CSMD2: variants seen among roughly 807,000 people sequenced by gnomAD.
CSMD2 encodes CUB and Sushi multiple domains 2.
A neutral mutation model predicts 398.5 loss-of-function variants in CSMD2; 130 were observed. The ratio of observed to expected loss-of-function variants is 0.33; its 90% CI spans 0.28 to 0.38. The LOEUF (loss-of-function observed/expected upper bound fraction) is 0.38. Ranked by LOEUF, CSMD2 falls within the 10% of genes least tolerant of loss-of-function variation. The pLI, the probability that CSMD2 is intolerant of heterozygous loss-of-function variation, is 1.00. For missense variants in CSMD2, 3,829 were observed against 4,764.9 expected (o/e 0.80, Z 5.78); for synonymous variants, 1,828 against 1,908.5 (o/e 0.96, Z 1.10).
intron 3 of CSMD2, among the ~76,000 whole-genome samples, chr1:33,979,194 C>T (rs1014594304): frequency 3.9e-5 from 6 of 152,336 alleles, no homozygotes; most frequent in Admixed American, 3.9e-4. Context: ...GCCAGATCCC[C>T]TGCCAGTGAG....
At chr1:33,565,001 C>G (rs1049522436) in intron 53 of CSMD2, among the ~76,000 whole-genome samples, 2 of 152,106 alleles carry the variant, frequency 1.3e-5, no homozygotes, top group Admixed American at 6.5e-5. Flanking sequence ...TAATAGAAAA[C>G]CCAGGCCTGC....
intron 5 of CSMD2, among the ~76,000 whole-genome samples, chr1:33,911,054 C>T (rs544027933): frequency 4.6e-5 from 7 of 152,290 alleles, no homozygotes; most frequent in Admixed American, 3.3e-4. Context: ...CTCTTTGCCC[C>T]GACTGTGAGC....
At chr1:33,959,647 C>T (rs1558162443) in intron 3 of CSMD2, among the ~76,000 whole-genome samples, 1 of 152,130 alleles carries the variant, frequency 6.6e-6, no homozygotes, top group Non-Finnish European at 1.5e-5. Context: ...TCCATAGGGG[C>T]CTTCAGGTGG....
chr1:34,049,402 G>C (rs1652920671), intron 2 of CSMD2, among the ~76,000 whole-genome samples: 1 of 152,100 alleles, frequency 6.6e-6, no homozygotes, highest in Admixed American at 6.5e-5. Context: ...CATCTTTCAG[G>C]AGCACCATTC....
At chr1:33,728,031 T>A (rs917243150) in intron 15 of CSMD2, among the ~76,000 whole-genome samples, 3 of 152,026 alleles carry the variant, frequency 2.0e-5, no homozygotes, top group Non-Finnish European at 4.4e-5. Context: ...TATTATTACC[T>A]CCTAGGAAAG....
Position 33,856,094 on chromosome 1 carries a change from A to G in CSMD2, c.921-9098T>C, listed in dbSNP as rs536157572. ...CCTCTGAGCAGCAGTGCTCATGTGTATAATGTGTCCAAGTCTGTGCCTGGC... is the reference window on the plus strand; with the variant it reads ...CCTCTGAGCAGCAGTGCTCATGTGTGTAATGTGTCCAAGTCTGTGCCTGGC... On this transcript the variant is annotated intron_variant, in intron 5 of 70. Coordinates refer to ENST00000373381, the MANE Select transcript of CSMD2 (RefSeq NM_001281956.2). Among the ~76,000 whole-genome samples the G allele has an allele frequency of 5.9e-5, 9 of 152,324 alleles. No homozygotes were observed. In the South Asian group the frequency reaches 1.9e-3, roughly 32 times the overall value.
At chr1:33,681,335 G>C (rs1334650327) in intron 25 of CSMD2, among the ~76,000 whole-genome samples, 1 of 151,688 alleles carries the variant, frequency 6.6e-6, no homozygotes, top group Admixed American at 6.6e-5. Context: ...AAATTCTATG[G>C]GTGGTTTTCT....
chr1:33,898,689 A>G (rs999441672), intron 5 of CSMD2, among the ~76,000 whole-genome samples: 1 of 152,112 alleles, frequency 6.6e-6, no homozygotes, highest in Non-Finnish European at 1.5e-5. Context: ...GGGAAAGGGT[A>G]ATTACAAAAA....
intron 25 of CSMD2, among the ~76,000 whole-genome samples, chr1:33,685,427 G>A (rs1449294593): frequency 3.9e-5 from 6 of 152,130 alleles, no homozygotes; most frequent in South Asian, 2.1e-4. Flanking sequence ...TTATACCCCC[G>A]TGCCTGGCAG....
chr1:33,941,038 G>T (rs79199277), intron 3 of CSMD2, among the ~76,000 whole-genome samples: 1 of 151,824 alleles, frequency 6.6e-6, no homozygotes, highest in South Asian at 2.1e-4. Flanking sequence ...TACTATAACC[G>T]TTCATGCTCT....
At chr1:33,786,188 T>C (rs1320785032) in intron 12 of CSMD2, among the ~76,000 whole-genome samples, 1 of 152,354 alleles carries the variant, frequency 6.6e-6, no homozygotes, top group East Asian at 1.9e-4. Flanking sequence ...TGCACTCTGT[T>C]TGCTGACTAG....
At chr1:33,993,929 C>A (rs544031851) in intron 3 of CSMD2, among the ~76,000 whole-genome samples, 1 of 152,280 alleles carries the variant, frequency 6.6e-6, no homozygotes, top group South Asian at 2.1e-4. Flanking sequence ...ATAAATCTAG[C>A]CCTTTCTTTC....
At chr1:33,851,317 G>A (rs1232588243) in intron 5 of CSMD2, among the ~76,000 whole-genome samples, 1 of 152,116 alleles carries the variant, frequency 6.6e-6, no homozygotes, top group African/African-American at 2.4e-5. Context: ...TCTGGCTTCT[G>A]TCCTCCCAGA....
chr1:33,994,138 A>G (rs1646650948), intron 3 of CSMD2, among the ~76,000 whole-genome samples: 1 of 152,168 alleles, frequency 6.6e-6, no homozygotes, highest in Non-Finnish European at 1.5e-5. Flanking sequence ...GGGGAGAGAT[A>G]AAAAGATAAT....
chr1:33,782,185 G>A (rs541705147), intron 12 of CSMD2, among the ~76,000 whole-genome samples: 8 of 151,948 alleles, frequency 5.3e-5, no homozygotes, highest in African/African-American at 9.6e-5. Context: ...ACAGCTACCC[G>A]CCCCCCAACC....
chr1:33,985,100 T>C (rs948945694), intron 3 of CSMD2, among the ~76,000 whole-genome samples: 4 of 152,186 alleles, frequency 2.6e-5, no homozygotes, highest in Non-Finnish European at 5.9e-5. Flanking sequence ...TCAAGCCAAG[T>C]GTGTGCAGTA....
intron 5 of CSMD2, among the ~76,000 whole-genome samples, chr1:33,865,932 G>T (rs1558025702): frequency 1.3e-5 from 2 of 152,124 alleles, no homozygotes; most frequent in Admixed American, 6.6e-5. Context: ...AGATTGAAAT[G>T]GAATATTTTG....
At chr1:33,811,584 T>A (rs1157417736) in intron 9 of CSMD2, among the ~76,000 whole-genome samples, 1 of 152,214 alleles carries the variant, frequency 6.6e-6, no homozygotes, top group African/African-American at 2.4e-5. Flanking sequence ...GGCTTTTGAC[T>A]GGAAGCATAA....
chr1:34,123,525 G>GT (rs1426581148), intron 1 of CSMD2, among the ~76,000 whole-genome samples: 2 of 137,144 alleles, frequency 1.5e-5, no homozygotes, highest in South Asian at 2.3e-4. Context: ...AACTTAAAGG[G>GT]GGGGGGTTGT....
Sources: gnomAD v4.1 joint callset for allele counts (sites outside exome capture counted in the v4.1 genomes callset) on GRCh38, gnomAD v4.1.1 for gene constraint, MANE v1.5 for transcripts, NCBI Gene and HGNC (gene_info 2026-07-23, HGNC 2026-07-21) for gene names.